Variants in CLPTM1 observed in about 807,000 individuals in gnomAD.
CLPTM1 encodes CLPTM1 regulator of GABA type A receptor forward trafficking.
In CLPTM1, 21 loss-of-function variants were observed where a neutral mutation model predicts 77.3. The observed-to-expected ratio is 0.27, with a 90% CI of 0.19 to 0.39. The LOEUF (loss-of-function observed/expected upper bound fraction) is 0.39, where lower values mean the gene tolerates loss of function less well. Ranked by LOEUF, CLPTM1 falls within the 10% of genes least tolerant of loss-of-function variation. The pLI, the probability that CLPTM1 is intolerant of heterozygous loss-of-function variation, is 1.00. For missense variants in CLPTM1, 642 were observed against 921.2 expected, an observed-to-expected ratio of 0.70 and a Z score of 3.92; for synonymous variants, 373 against 381.0, an observed-to-expected ratio of 0.98 and a Z score of 0.24.
intron 3 of CLPTM1, 23 bp from the exon 4 acceptor site, chr19:44,974,416 C>G: frequency 6.2e-7 from 1 of 1,603,624 alleles, no homozygotes; most frequent in Non-Finnish European, 8.5e-7. Context: ...GGCCTGAGCT[C>G]TGTTCCCTTC....
At chr19:44,979,016 T>C (rs1468974705) in intron 5 of CLPTM1, among the ~76,000 whole-genome samples, 2 of 150,406 alleles carry the variant, frequency 1.3e-5, no homozygotes, top group East Asian at 3.9e-4. Flanking sequence ...GGTCTCACTA[T>C]GTCGCCCAGG....
At position 44,992,523 on chromosome 19, in the gene CLPTM1, C is replaced by T; in HGVS notation, c.1724-88C>T. On this transcript the variant is annotated intron_variant, in intron 13 of 13. Transcript: ENST00000337392. This position sits in a 1 kb window ranked among gnomAD's most constrained non-coding sequence, Gnocchi z 7.7. Reference sequence around the variant, plus strand: ...GTGCTCAGTCTGAGGGGGCTCGGCCCCGCCCTTGCATCACGCCCTCTCCAC... The same window carrying T: ...GTGCTCAGTCTGAGGGGGCTCGGCCTCGCCCTTGCATCACGCCCTCTCCAC... 6.3e-7 allele frequency: 1 copy of T among 1,593,138 alleles called. No homozygotes were observed. Among genetic ancestry groups the T allele is most frequent in the Non-Finnish European group, 8.6e-7 (1 of 1,165,956 alleles).
chr19:44,988,851 G>A (rs531883900), intron 9 of CLPTM1, among the ~76,000 whole-genome samples: 58 of 152,326 alleles, frequency 3.8e-4, no homozygotes, highest in African/African-American at 1.3e-3. Flanking sequence ...GCTCCCGCAG[G>A]CGGCAAGAGG....
chr19:44,958,429 C>A (rs1030101593), intron 1 of CLPTM1, among the ~76,000 whole-genome samples: 15 of 151,472 alleles, frequency 9.9e-5, no homozygotes, highest in African/African-American at 3.6e-4. Context: ...CTCGCTTTCT[C>A]ACCACAATCT....
At chr19:44,969,709 A>G (rs983191938) in intron 2 of CLPTM1, among the ~76,000 whole-genome samples, 19 of 135,254 alleles carry the variant, frequency 1.4e-4, no homozygotes, top group Admixed American at 1.2e-3. Flanking sequence ...TTTTTTTGAG[A>G]TGGAGTCTTA....
chr19:44,972,175 G>T (rs1384885828), intron 2 of CLPTM1, among the ~76,000 whole-genome samples: 1 of 151,408 alleles, frequency 6.6e-6, no homozygotes, highest in Non-Finnish European at 1.5e-5. Flanking sequence ...TACTTCTTAA[G>T]TTATTTTAAA....
chr19:44,980,427 T>C (rs1474965615), intron 5 of CLPTM1, among the ~76,000 whole-genome samples: 1 of 150,414 alleles, frequency 6.6e-6, no homozygotes, highest in Non-Finnish European at 1.5e-5. Context: ...GAGAATCTTT[T>C]GGACCCCGGA....
intron 2 of CLPTM1, among the ~76,000 whole-genome samples, chr19:44,972,523 A>C (rs1014094730): frequency 2.6e-5 from 4 of 152,224 alleles, no homozygotes; most frequent in Non-Finnish European, 5.9e-5. Flanking sequence ...TGCTGGGATT[A>C]CAGGCATGAG....
Position 44,962,164 on chromosome 19 carries a change from G to A in CLPTM1, c.185+89G>A, listed in dbSNP as rs190351007. On this transcript the variant is annotated intron_variant, in intron 2 of 13. Coordinates refer to ENST00000337392, the MANE Select transcript of CLPTM1 (RefSeq NM_001294.4). ...AAAGTCAGCTGATCAGCTGAGGATG[G>A]TGATCATTACTGTATGGTAGAGTTG... is the stretch of plus-strand genomic sequence containing the variant. The A allele has an allele frequency of 8.1e-6, 6 of 741,734 alleles. No homozygotes were observed. In the East Asian group the frequency reaches 8.7e-5, roughly 11 times the overall value. The allele number at this position is 741,734 out of a possible 1,614,324, so 45.9% of individuals were successfully genotyped here.
Position 44,973,767 on chromosome 19 carries a change from T to TTTTG in CLPTM1, c.309+560_309+561insGTTT, listed in dbSNP as rs749619664. Reference sequence around the variant, plus strand: ...TCTTGTTGGGTCACAGTGGGTTTTTTTTTTTTTTTTTTTTGAGATGGAGTC... The same window carrying TTTTG: ...TCTTGTTGGGTCACAGTGGGTTTTTTTTTGTTTTTTTTTTTTTTGAGATGGAGTC... On this transcript the variant is annotated intron_variant, in intron 3 of 13. Transcript: ENST00000337392. 5.7e-5 allele frequency among the ~76,000 whole-genome samples: 8 copies of TTTTG among 140,982 alleles called. 1 individual carries two copies. Among genetic ancestry groups the TTTTG allele is most frequent in the Non-Finnish European group, 4.6e-5 (3 of 65,010 alleles). The allele number at this position is 140,982 out of a possible 152,430, so 92.5% of individuals were successfully genotyped here. A position where few individuals can be genotyped will look rare whatever the true frequency, so the allele number is the denominator to read the frequency against.
At chr19:44,967,657 CAA>C (rs35893621) in intron 2 of CLPTM1, among the ~76,000 whole-genome samples, 57 of 135,418 alleles carry the variant, frequency 4.2e-4, no homozygotes, top group East Asian at 1.1e-3. Context: ...AACTCTGTCC[CAA>C]AAAAAAAAAA....
At chr19:44,964,414 G>A (rs889365854) in intron 2 of CLPTM1, among the ~76,000 whole-genome samples, 1 of 139,990 alleles carries the variant, frequency 7.1e-6, no homozygotes, top group Non-Finnish European at 1.5e-5. Context: ...GGGTTCAAGC[G>A]ATTCTCCTGC....
At chr19:44,973,260 G>A in intron 3 of CLPTM1, 50 bp downstream of exon 3, 1 of 1,612,018 alleles carries the variant, frequency 6.2e-7, no homozygotes, top group Non-Finnish European at 8.5e-7. Flanking sequence ...GGTGTGGAGG[G>A]GTGGAATGTG....
rs1288032159 is a variant in CLPTM1 at position 44,986,550 on chromosome 19, C to T, written c.768C>T (p.Gly256=). The part of the protein sequence containing the change: ...IVDDHTPWVK[G]SVPPPLDQYV... ...ACGACCACACGCCGTGGGTGAAGGG[C>T]AGTGTGCCCCCTCCCCTGGATCAAT... The change falls in exon 7 of 14, where the codon GGC becomes GGT. Residue 256 remains glycine (G), a synonymous_variant. Transcript: ENST00000337392. 6.2e-7 allele frequency: 1 copy of T among 1,613,960 alleles called. No homozygotes were observed. Among genetic ancestry groups the T allele is most frequent in the South Asian group, 1.1e-5 (1 of 91,088 alleles).
At position 44,991,131 on chromosome 19, in the gene CLPTM1, T is replaced by A; in HGVS notation, c.1420-107T>A. ...GGAGTCCCCAGGGCTACCTGGAAAT[T>A]CCCCCTGCCCGGCCTGCCAGACCAG... On this transcript the variant is annotated intron_variant, in intron 11 of 13. Transcript: ENST00000337392. The surrounding 1 kb of genome is among the most constrained non-coding windows in gnomAD (Gnocchi z 5.4). 6.4e-7 allele frequency: 1 copy of A among 1,560,674 alleles called. No individual in the cohort carries two copies. Among genetic ancestry groups the A allele is most frequent in the Non-Finnish European group, 8.7e-7 (1 of 1,149,102 alleles).
chr19:44,991,224 C>T lies in CLPTM1; in HGVS notation c.1420-14C>T. Reference sequence around the variant, plus strand: ...TGAGGAGCTGGCTGACAGCCCCACCCTGTGGCCCCACAGATGGCATTCCGG... The same window carrying T: ...TGAGGAGCTGGCTGACAGCCCCACCTTGTGGCCCCACAGATGGCATTCCGG... On this transcript the variant is annotated splice_polypyrimidine_tract_variant and intron_variant, in intron 11 of 13. Coordinates refer to ENST00000337392, the MANE Select transcript of CLPTM1 (RefSeq NM_001294.4). This position sits in a 1 kb window ranked among gnomAD's most constrained non-coding sequence, Gnocchi z 5.4. The T allele has an allele frequency of 6.2e-7, 1 of 1,613,764 alleles. No homozygotes were observed. Among genetic ancestry groups the T allele is most frequent in the Non-Finnish European group, 8.5e-7 (1 of 1,179,834 alleles).
intron 2 of CLPTM1, among the ~76,000 whole-genome samples, chr19:44,970,738 G>A (rs1402306185): frequency 7.0e-6 from 1 of 143,460 alleles, no homozygotes; most frequent in South Asian, 2.2e-4. Flanking sequence ...CCTAGCAGAT[G>A]TCCTCGGACA....
In CLPTM1 at chr19:44,991,776, G is replaced by A. The variant is rs1342079579; in HGVS notation, c.1555+403G>A. 2.6e-5 allele frequency among the ~76,000 whole-genome samples: 4 copies of A among 152,010 alleles called. No individual in the cohort carries two copies. The highest frequency in any genetic ancestry group is 1.9e-4 in the East Asian group (1 of 5,190). ...AGAAATTATTGGGGAGTGGTGGTGC[G>A]TGCCTGTAGTCCCAGCTACCTGGGA... On this transcript the variant is annotated intron_variant, in intron 12 of 13. Transcript: ENST00000337392. The surrounding 1 kb of genome is among the most constrained non-coding windows in gnomAD (Gnocchi z 5.4).
intron 2 of CLPTM1, among the ~76,000 whole-genome samples, chr19:44,963,764 A>G (rs1970583099): frequency 6.6e-6 from 1 of 151,978 alleles, no homozygotes; most frequent in Non-Finnish European, 1.5e-5. Context: ...GAATTAAGGT[A>G]TGTGCCACCA....
Sources: gnomAD v4.1 joint callset for allele counts (sites outside exome capture counted in the v4.1 genomes callset) on GRCh38, gnomAD v4.1.1 for gene constraint, Gnocchi (gnomAD v3.1) non-coding constraint, MANE v1.5 for transcripts, NCBI Gene and HGNC (gene_info 2026-07-23, HGNC 2026-07-21) for gene names.